Variants in ZNF521 observed in about 807,000 individuals in gnomAD.
ZNF521 encodes zinc finger protein 521.
In ZNF521, 14 loss-of-function variants were observed where a neutral mutation model predicts 105.5. The observed-to-expected ratio is 0.13, with a 90% CI of 0.09 to 0.21. ZNF521 has a LOEUF of 0.21. Among genes scored for constraint, ZNF521 ranks in the 10% least tolerant of loss-of-function variants. The pLI is 1.00. For synonymous variants in ZNF521, 635 were observed against 606.0 expected (o/e 1.05, Z -0.70); for missense variants, 1,233 against 1,629.7 (o/e 0.76, Z 4.19).
intron 2 of ZNF521, among the ~76,000 whole-genome samples, chr18:25,322,560 C>G (rs1259851119): frequency 6.9e-6 from 1 of 145,932 alleles, no homozygotes; most frequent in Non-Finnish European, 1.5e-5. Flanking sequence ...AAAACCCCCC[C>G]ACTGTGCTTA....
intron 5 of ZNF521, among the ~76,000 whole-genome samples, chr18:25,097,961 C>A (rs983696339): frequency 1.3e-5 from 2 of 152,064 alleles, no homozygotes; most frequent in African/African-American, 4.8e-5. Context: ...TGGTACCCAG[C>A]AGATTTTAAA....
chr18:25,266,738 A>G (rs1909283202), intron 3 of ZNF521, among the ~76,000 whole-genome samples: 1 of 152,126 alleles, frequency 6.6e-6, no homozygotes, highest in Non-Finnish European at 1.5e-5. Context: ...CACTTTTCCC[A>G]CGGTCTTCAC....
At chr18:25,179,116 C>CTTTTTTTTTTTTTTTTTTTTTTTTTT (rs1175859497) in intron 5 of ZNF521, among the ~76,000 whole-genome samples, 4 of 52,480 alleles carry the variant, frequency 7.6e-5, no homozygotes, top group South Asian at 9.4e-4. Flanking sequence ...TTCTTTATTC[C>CTTTTTTTTTTTTTTTTTTTTTTTTTT]TTTTTTTTTT....
chr18:25,159,637 T>C (rs919527538), intron 5 of ZNF521, among the ~76,000 whole-genome samples: 1 of 151,836 alleles, frequency 6.6e-6, no homozygotes, highest in Admixed American at 6.6e-5. Flanking sequence ...AAATTCAGAG[T>C]AGTTTGGTAG....
intron 2 of ZNF521, among the ~76,000 whole-genome samples, chr18:25,346,780 C>T (rs1914480639): frequency 6.6e-6 from 1 of 152,188 alleles, no homozygotes; most frequent in Non-Finnish European, 1.5e-5. Flanking sequence ...CTCTTTCTCC[C>T]TGGTTCCCAC....
intron 4 of ZNF521, among the ~76,000 whole-genome samples, chr18:25,212,057 C>A (rs1295743366): frequency 1.3e-5 from 2 of 152,094 alleles, no homozygotes; most frequent in African/African-American, 2.4e-5. Flanking sequence ...ACTGCATAAT[C>A]CTAATCACTG....
At chr18:25,165,740 C>A (rs189657461) in intron 5 of ZNF521, among the ~76,000 whole-genome samples, 20 of 152,304 alleles carry the variant, frequency 1.3e-4, no homozygotes, top group African/African-American at 4.6e-4. Flanking sequence ...CAATTGGATT[C>A]TTTCTTTGAA....
At chr18:25,179,373 T>C (rs773678822) in intron 5 of ZNF521, among the ~76,000 whole-genome samples, 1 of 151,936 alleles carries the variant, frequency 6.6e-6, no homozygotes, top group Non-Finnish European at 1.5e-5. Flanking sequence ...CTTCTATACA[T>C]GATCATTTAT....
intron 4 of ZNF521, among the ~76,000 whole-genome samples, chr18:25,199,607 T>C (rs1156580914): frequency 6.6e-6 from 1 of 151,996 alleles, no homozygotes; most frequent in Non-Finnish European, 1.5e-5. Flanking sequence ...AAAACATATA[T>C]AATCATATAT....
intron 3 of ZNF521, among the ~76,000 whole-genome samples, chr18:25,297,587 G>A (rs1456497982): frequency 3.9e-5 from 6 of 152,034 alleles, no homozygotes; most frequent in Middle Eastern, 3.2e-3. Flanking sequence ...TAACAATATC[G>A]TAATACTATG....
chr18:25,156,303 T>A (rs2035143306), intron 5 of ZNF521, among the ~76,000 whole-genome samples: 1 of 152,180 alleles, frequency 6.6e-6, no homozygotes, highest in African/African-American at 2.4e-5. Flanking sequence ...AAATTGAGAG[T>A]CCAGTTCCCA....
At chr18:25,277,634 A>C in intron 3 of ZNF521, among the ~76,000 whole-genome samples, 1 of 152,210 alleles carries the variant, frequency 6.6e-6, no homozygotes, top group Non-Finnish European at 1.5e-5. Flanking sequence ...AACACACCTA[A>C]AAGAAAATTA....
At chr18:25,327,430 A>G (rs762015625) in intron 2 of ZNF521, 1 of 1,164,622 alleles carries the variant, frequency 8.6e-7, no homozygotes, top group Non-Finnish European at 1.1e-6. Flanking sequence ...GTTTCGTGAC[A>G]TATTTAGAAG....
At chr18:25,255,184 C>A (rs181842231) in intron 3 of ZNF521, among the ~76,000 whole-genome samples, 2 of 152,176 alleles carry the variant, frequency 1.3e-5, no homozygotes, top group Admixed American at 1.3e-4. Context: ...CACATAATTG[C>A]TGCTTTTACT....
chr18:25,093,118 A>G, intron 5 of ZNF521, among the ~76,000 whole-genome samples: 1 of 152,120 alleles, frequency 6.6e-6, no homozygotes, highest in East Asian at 1.9e-4. Flanking sequence ...CAGATGAGAA[A>G]AATGAGGCGC....
chr18:25,282,055 G>A (rs1209701327), intron 3 of ZNF521, among the ~76,000 whole-genome samples: 1 of 152,068 alleles, frequency 6.6e-6, no homozygotes, highest in Non-Finnish European at 1.5e-5. Flanking sequence ...GATTAATTTT[G>A]TTAGGAAGTT....
intron 7 of ZNF521, among the ~76,000 whole-genome samples, chr18:25,077,942 A>AG (rs1484587762): frequency 4.6e-5 from 7 of 151,794 alleles, no homozygotes; most frequent in Admixed American, 3.3e-4. Context: ...AAGAAGAAGA[A>AG]AAAAAAAACA....
intron 3 of ZNF521, among the ~76,000 whole-genome samples, chr18:25,251,011 G>A (rs1301327760): frequency 6.6e-6 from 1 of 152,140 alleles, no homozygotes. Context: ...TCAAATAACT[G>A]AGGTTTGTCT....
At chr18:25,242,331 C>T (rs1907396409) in intron 3 of ZNF521, among the ~76,000 whole-genome samples, 1 of 152,096 alleles carries the variant, frequency 6.6e-6, no homozygotes, top group South Asian at 2.1e-4. Context: ...CCAAGCCACA[C>T]AAGAGGAAAT....
Sources: allele counts gnomAD v4.1 joint callset (sites outside exome capture counted in the v4.1 genomes callset), GRCh38; gene constraint gnomAD v4.1.1; transcripts MANE v1.5; gene names NCBI Gene and HGNC (gene_info 2026-07-23, HGNC 2026-07-21).